RNF115: variants seen among roughly 807,000 people sequenced by gnomAD.
RNF115 encodes ring finger protein 115, also known as E3 ubiquitin-protein ligase RNF115.
Under a neutral mutation model 39.2 loss-of-function variants are expected in RNF115, and 31 were observed. The observed-to-expected ratio is 0.79, with a 90% CI of 0.59 to 1.07. The LOEUF (loss-of-function observed/expected upper bound fraction) is 1.07. RNF115 is among the 50% of genes least tolerant of loss of function. The pLI is 0.00. For missense variants in RNF115, 384 were observed against 381.7 expected, an observed-to-expected ratio of 1.01 and a Z score of -0.05; for synonymous variants, 124 against 131.0, an observed-to-expected ratio of 0.95 and a Z score of 0.37.
chr1:145,809,183 A>ATTTT (rs71077279), intron 1 of RNF115, among the ~76,000 whole-genome samples: 1 of 134,038 alleles, frequency 7.5e-6, no homozygotes, highest in Non-Finnish European at 1.6e-5. Context: ...GTTTTCAAGG[A>ATTTT]TTTTTTTTTT....
chr1:145,784,105 A>T (rs1648269597), intron 3 of RNF115, among the ~76,000 whole-genome samples: 1 of 152,150 alleles, frequency 6.6e-6, no homozygotes, highest in Admixed American at 6.5e-5. Flanking sequence ...AAGCCCTGGA[A>T]ATCAGTACCT....
At chr1:145,752,809 G>T (rs587697282) in intron 5 of RNF115, among the ~76,000 whole-genome samples, 169 bp downstream of exon 5, 5 of 151,652 alleles carry the variant, frequency 3.3e-5, no homozygotes, top group African/African-American at 1.2e-4. Flanking sequence ...GGATGGCCTC[G>T]ATCTCCTGAC....
chr1:145,791,717 C>A (rs1344527209), intron 1 of RNF115, among the ~76,000 whole-genome samples: 1 of 152,106 alleles, frequency 6.6e-6, no homozygotes, highest in Non-Finnish European at 1.5e-5. Flanking sequence ...ATTTCTATTT[C>A]CTTCAGTAAT....
At position 145,798,803 on chromosome 1, in the gene RNF115, GTCTT is replaced by G. The variant is rs1447060292; in HGVS notation, c.103-9841_103-9838del. On this transcript the variant is annotated intron_variant, in intron 1 of 8. Coordinates refer to ENST00000582693, the MANE Select transcript of RNF115 (RefSeq NM_014455.4). ...GTCTTCCAATCCATGAACACAGGAT[GTCTT>G]TCTATTTATTTGTATGCTCTTTAAT... 3.3e-5 allele frequency among the ~76,000 whole-genome samples: 5 copies of G among 152,232 alleles called. 1 individual carries two copies. Among genetic ancestry groups the G allele is most frequent in the African/African-American group, 4.8e-5 (2 of 41,540 alleles).
chr1:145,818,900 TAATA>T (rs1210136196), intron 1 of RNF115, among the ~76,000 whole-genome samples: 3 of 148,944 alleles, frequency 2.0e-5, no homozygotes, highest in Non-Finnish European at 4.5e-5. Flanking sequence ...CTAGCTAGAT[TAATA>T]AAGAAAAAAA....
At chr1:145,763,490 G>C (rs1335189614) in intron 4 of RNF115, among the ~76,000 whole-genome samples, 2 of 152,234 alleles carry the variant, frequency 1.3e-5, no homozygotes, top group Non-Finnish European at 2.9e-5. Context: ...TTGAGATCAG[G>C]AGTTCGAGAC....
intron 4 of RNF115, among the ~76,000 whole-genome samples, chr1:145,758,215 C>T (rs148393916): frequency 5.7e-4 from 86 of 152,206 alleles, no homozygotes; most frequent in African/African-American, 2.0e-3. Context: ...TTTTTTCCTG[C>T]TTCCTCTATC....
In RNF115 at chr1:145,740,481, T is replaced by C. The variant is rs909481540; in HGVS notation, c.*6385A>G. The C allele has an allele frequency of 6.6e-6, 1 of 152,380 alleles. No individual in the cohort carries two copies. Among genetic ancestry groups the C allele is most frequent in the South Asian group, 2.1e-4 (1 of 4,826 alleles). 9.4% of individuals were successfully genotyped at this position (152,380 alleles called of 1,614,324 possible). A position where few individuals can be genotyped will look rare whatever the true frequency, so the allele number is the denominator to read the frequency against. ...TGGTTAAACAGAAACTTAAAATACT[T>C]GTGTCTTGGCTTTCAAAATGTGTTG... On this transcript the variant is annotated 3_prime_UTR_variant, in exon 9 of 9. Transcript: ENST00000582693.
intron 4 of RNF115, among the ~76,000 whole-genome samples, chr1:145,753,301 G>A (rs988426771): frequency 1.3e-5 from 2 of 152,106 alleles, no homozygotes; most frequent in African/African-American, 4.8e-5. Flanking sequence ...GGGATCTGAT[G>A]GTATGGTATA....
At chr1:145,764,815 GC>G (rs1658696368) in intron 4 of RNF115, among the ~76,000 whole-genome samples, 1 of 148,996 alleles carries the variant, frequency 6.7e-6, no homozygotes, top group South Asian at 2.2e-4. Context: ...GGGTGCCTCC[GC>G]CCGGCCAGCC....
chr1:145,780,647 A>G (rs1470112184), intron 3 of RNF115, among the ~76,000 whole-genome samples: 1 of 151,644 alleles, frequency 6.6e-6, no homozygotes, highest in Non-Finnish European at 1.5e-5. Context: ...AAAAAAGTGA[A>G]ACTCAAGATA....
intron 4 of RNF115, among the ~76,000 whole-genome samples, chr1:145,765,282 T>A (rs587746794): frequency 6.6e-6 from 1 of 152,276 alleles, no homozygotes; most frequent in East Asian, 1.9e-4. Flanking sequence ...ACAAACACTG[T>A]GGAAGGCCGC....
At chr1:145,799,072 C>CTT (rs200462957) in intron 1 of RNF115, among the ~76,000 whole-genome samples, 4 of 137,010 alleles carry the variant, frequency 2.9e-5, no homozygotes, top group Admixed American at 7.4e-5. Context: ...TTAGGGTTTT[C>CTT]TTTTTTTTTT....
Position 145,747,977 on chromosome 1 carries a change from A to G in RNF115, c.783+18T>C, listed in dbSNP as rs782487076. The G allele has an allele frequency of 6.6e-7, 1 of 1,524,576 alleles. No homozygotes were observed. The highest frequency in any genetic ancestry group is 1.7e-5 in the Admixed American group (1 of 59,902). The allele number at this position is 1,524,576 out of a possible 1,614,324, so 94.4% of individuals were successfully genotyped here. A position where few individuals can be genotyped will look rare whatever the true frequency, so the allele number is the denominator to read the frequency against. ...CTCTGAATCATCCCCCAAAGAAGCC[A>G]TGACTTGCTGTACTCACCAGTTCTA... On this transcript the variant is annotated intron_variant, in intron 8 of 8. Coordinates refer to ENST00000582693, the MANE Select transcript of RNF115 (RefSeq NM_014455.4).
chr1:145,740,519 T>C lies in RNF115; in HGVS notation c.*6347A>G, dbSNP rs1462310019. On this transcript the variant is annotated 3_prime_UTR_variant, in exon 9 of 9. Coordinates refer to ENST00000582693, the MANE Select transcript of RNF115 (RefSeq NM_014455.4). ...TCAAAATGTGTTGATACAATTGCCT[T>C]CAAATAAGCCTACAAATTTTCATGC... 3 of 152,288 alleles carry C rather than the reference T, an allele frequency of 2.0e-5. No homozygotes were observed. Among genetic ancestry groups the C allele is most frequent in the African/African-American group, 7.2e-5 (3 of 41,490 alleles). The allele number at this position is 152,288 out of a possible 1,614,324, so 9.4% of individuals were successfully genotyped here. A position where few individuals can be genotyped will look rare whatever the true frequency, so the allele number is the denominator to read the frequency against.
In RNF115 at chr1:145,744,672, A is replaced by T. The variant is rs2101440930; in HGVS notation, c.*2194T>A. On this transcript the variant is annotated 3_prime_UTR_variant, in exon 9 of 9. Transcript: ENST00000582693. ...AAAACTGAGGAAAGACTTCTAGCCA[A>T]GAAAAAGACCCATTAAAGAGTGGTG... 1 of 152,394 alleles carries T rather than the reference A, an allele frequency of 6.6e-6. No individual in the cohort carries two copies. Among genetic ancestry groups the T allele is most frequent in the South Asian group, 2.1e-4 (1 of 4,828 alleles). The allele number at this position is 152,394 out of a possible 1,614,324, so 9.4% of individuals were successfully genotyped here. A position where few individuals can be genotyped will look rare whatever the true frequency, so the allele number is the denominator to read the frequency against.
At chr1:145,795,050 G>T (rs1025393455) in intron 1 of RNF115, among the ~76,000 whole-genome samples, 1 of 150,552 alleles carries the variant, frequency 6.6e-6, no homozygotes, top group South Asian at 2.1e-4. Flanking sequence ...TAGTGTGTCC[G>T]GAGTTTGTTC....
intron 1 of RNF115, among the ~76,000 whole-genome samples, chr1:145,789,289 T>C (rs1648544408): frequency 6.6e-6 from 1 of 152,138 alleles, no homozygotes; most frequent in East Asian, 1.9e-4. Flanking sequence ...TTGTAGAGGA[T>C]GAGGTCTTGC....
intron 4 of RNF115, among the ~76,000 whole-genome samples, chr1:145,768,619 A>C (rs587624236): frequency 3.9e-5 from 6 of 152,274 alleles, no homozygotes; most frequent in African/African-American, 1.2e-4. Flanking sequence ...CGGCCATTAA[A>C]TACAAAGTAC....
Sources: gnomAD v4.1 joint callset for allele counts (sites outside exome capture counted in the v4.1 genomes callset) on GRCh38, gnomAD v4.1.1 for gene constraint, MANE v1.5 for transcripts, NCBI Gene and HGNC (gene_info 2026-07-23, HGNC 2026-07-21) for gene names.